Variants in DPYD observed in about 807,000 individuals in gnomAD.
DPYD encodes dihydropyrimidine dehydrogenase [NADP(+)].
Under a neutral mutation model 116.2 loss-of-function variants are expected in DPYD, and 109 were observed. The ratio of observed to expected loss-of-function variants is 0.94; its 90% CI spans 0.80 to 1.10. DPYD has a LOEUF of 1.10. Among genes scored for constraint, DPYD ranks in the 50% least tolerant of loss-of-function variants. The pLI is 0.00. For missense variants in DPYD, 1,302 were observed against 1,254.5 expected (o/e 1.04, Z -0.57); for synonymous variants, 440 against 432.0 (o/e 1.02, Z -0.23).
chr1:97,392,176 T>C (rs550295727), intron 14 of DPYD, among the ~76,000 whole-genome samples: 2 of 152,128 alleles, frequency 1.3e-5, no homozygotes, highest in East Asian at 1.9e-4. Flanking sequence ...ATAAAGCAAG[T>C]CACACAAATA....
At chr1:97,825,536 C>T (rs1386069739) in intron 3 of DPYD, among the ~76,000 whole-genome samples, 2 of 147,668 alleles carry the variant, frequency 1.4e-5, no homozygotes, top group Admixed American at 7.0e-5. Flanking sequence ...AAAAGGGATG[C>T]TCCATGTTCT....
At chr1:97,392,197 C>T (rs966731000) in intron 14 of DPYD, among the ~76,000 whole-genome samples, 4 of 151,946 alleles carry the variant, frequency 2.6e-5, no homozygotes, top group Non-Finnish European at 1.5e-5. Flanking sequence ...TTTTGGTTTC[C>T]CAGTGCATAA....
intron 18 of DPYD, among the ~76,000 whole-genome samples, chr1:97,263,465 A>C (rs1368084229): frequency 1.3e-5 from 2 of 152,136 alleles, no homozygotes; most frequent in African/African-American, 4.8e-5. Flanking sequence ...GATTCCCACA[A>C]ACTTAAAAAC....
At chr1:97,522,587 C>T (rs186523974) in intron 12 of DPYD, among the ~76,000 whole-genome samples, 79 of 151,936 alleles carry the variant, frequency 5.2e-4, no homozygotes, top group Middle Eastern at 3.4e-3. Context: ...GGCATAGTGG[C>T]GGGCACCTGT....
intron 18 of DPYD, among the ~76,000 whole-genome samples, chr1:97,285,754 G>C (rs924354567): frequency 3.4e-5 from 5 of 148,842 alleles, no homozygotes; most frequent in Non-Finnish European, 1.5e-5. Context: ...CATAATCTCA[G>C]CTCACCACAA....
intron 19 of DPYD, among the ~76,000 whole-genome samples, chr1:97,197,300 T>C (rs995606055): frequency 6.6e-6 from 1 of 152,176 alleles, no homozygotes; most frequent in Non-Finnish European, 1.5e-5. Context: ...CTTTTGACTA[T>C]AAAAGTCAAC....
At chr1:97,449,591 A>G (rs534892065) in intron 14 of DPYD, among the ~76,000 whole-genome samples, 1 of 152,328 alleles carries the variant, frequency 6.6e-6, no homozygotes, top group Admixed American at 6.5e-5. Flanking sequence ...TTTATAAAAG[A>G]TAGTTGACTA....
intron 16 of DPYD, among the ~76,000 whole-genome samples, chr1:97,332,414 A>T (rs12038518): frequency 6.6e-6 from 1 of 152,152 alleles, no homozygotes; most frequent in Non-Finnish European, 1.5e-5. Flanking sequence ...CAATATAATA[A>T]GGATGGTAGT....
At chr1:97,224,745 A>G (rs1248229859) in intron 19 of DPYD, among the ~76,000 whole-genome samples, 1 of 151,544 alleles carries the variant, frequency 6.6e-6, no homozygotes, top group East Asian at 1.9e-4. Flanking sequence ...GATTCCACAT[A>G]TAAGAGAGAT....
At chr1:97,612,477 A>T (rs1656005458) in intron 8 of DPYD, among the ~76,000 whole-genome samples, 1 of 152,048 alleles carries the variant, frequency 6.6e-6, no homozygotes, top group African/African-American at 2.4e-5. Context: ...GCCTTTAAAG[A>T]TGTAAATGAT....
intron 3 of DPYD, among the ~76,000 whole-genome samples, chr1:97,810,359 A>C (rs1668296955): frequency 1.3e-5 from 2 of 151,938 alleles, no homozygotes; most frequent in Non-Finnish European, 1.5e-5. Context: ...TTAATACAAC[A>C]GATGTGAAGA....
intron 13 of DPYD, among the ~76,000 whole-genome samples, chr1:97,470,118 A>C (rs1167011140): frequency 6.6e-6 from 1 of 152,222 alleles, no homozygotes; most frequent in Non-Finnish European, 1.5e-5. Context: ...TGATTCTCAT[A>C]AACTTCATAC....
At chr1:97,775,448 G>C (rs1016366050) in intron 3 of DPYD, among the ~76,000 whole-genome samples, 1 of 151,980 alleles carries the variant, frequency 6.6e-6, no homozygotes, top group African/African-American at 2.4e-5. Context: ...CTTAATTGCT[G>C]TAGTATAATA....
At chr1:97,282,852 T>A (rs1665414573) in intron 18 of DPYD, among the ~76,000 whole-genome samples, 1 of 152,170 alleles carries the variant, frequency 6.6e-6, no homozygotes, top group South Asian at 2.1e-4. Context: ...TTGCTTAGGA[T>A]AATGGCCTCC....
chr1:97,440,264 C>CA (rs200527485), intron 14 of DPYD, among the ~76,000 whole-genome samples: 6,127 of 115,976 alleles, frequency 0.053, 244 homozygotes, highest in South Asian at 0.15. Context: ...AACTCCCTCT[C>CA]AAAAAAAAAA....
At chr1:97,583,764 A>AT (rs541433954) in intron 10 of DPYD, among the ~76,000 whole-genome samples, 1,523 of 148,868 alleles carry the variant, frequency 0.01, 22 homozygotes, top group African/African-American at 0.035. Context: ...GTGACGCAAT[A>AT]TTTTTTTTAA....
intron 21 of DPYD, among the ~76,000 whole-genome samples, chr1:97,088,985 G>C (rs530658577): frequency 5.2e-4 from 79 of 152,184 alleles, no homozygotes; most frequent in African/African-American, 1.9e-3. Context: ...ATGCTCCATA[G>C]TATCCAATAT....
At chr1:97,302,127 G>A (rs1666902267) in intron 18 of DPYD, among the ~76,000 whole-genome samples, 1 of 151,830 alleles carries the variant, frequency 6.6e-6, no homozygotes, top group African/African-American at 2.4e-5. Flanking sequence ...GCTGTTTGAT[G>A]CAACAGAAGT....
Position 97,355,020 on chromosome 1 carries a change from C to T in DPYD, c.2058+18541G>A, listed in dbSNP as rs149277396. Among the ~76,000 whole-genome samples, 598 of 152,170 alleles carry T rather than the reference C, an allele frequency of 3.9e-3. 6 individuals are homozygous for T. The highest frequency in any genetic ancestry group is 0.014 in the African/African-American group (562 of 41,532). On this transcript the variant is annotated intron_variant, in intron 16 of 22. Transcript: ENST00000370192. ...AGAAATAGGCACTTTGCCTAGAATA[C>T]AAAGGGAACTGACTGAATAAAATCA...
Sources: allele counts gnomAD v4.1 joint callset (sites outside exome capture counted in the v4.1 genomes callset), GRCh38; gene constraint gnomAD v4.1.1; transcripts MANE v1.5; gene names NCBI Gene and HGNC (gene_info 2026-07-23, HGNC 2026-07-21).